SYNJ2: variants seen among roughly 807,000 people sequenced by gnomAD.
The protein encoded by SYNJ2 is polyphosphatidylinositol phosphatase SYNJ2.
Under a neutral mutation model 141.3 loss-of-function variants are expected in SYNJ2, and 116 were observed. The ratio of observed to expected loss-of-function variants is 0.82; its 90% CI spans 0.71 to 0.96. SYNJ2 has a LOEUF of 0.96. Ranked by LOEUF, SYNJ2 falls within the 40% of genes least tolerant of loss-of-function variation. The probability of loss-of-function intolerance (pLI) is 0.00; values close to 1 mark genes in which losing one functional copy is unlikely to be tolerated. For missense variants in SYNJ2, 1,873 were observed against 1,934.8 expected (o/e 0.97, Z 0.60); for synonymous variants, 745 against 777.7 (o/e 0.96, Z 0.70).
rs1174853169 is a variant in SYNJ2, at chr6:158,093,763, T to C, written c.3744+659T>C. 1.0e-5 allele frequency: 7 copies of C among 671,116 alleles called. No individual in the cohort carries two copies. In the Admixed American group the frequency reaches 1.5e-4, roughly 14 times the overall value. 41.6% of individuals were successfully genotyped at this position (671,116 alleles called of 1,614,324 possible). A position where few individuals can be genotyped will look rare whatever the true frequency, so the allele number is the denominator to read the frequency against. ...GCCCATTTGCGTGTGGTCTGTGTTG[T>C]GTGCACATGGTTTCAAGGCATTAGG... On this transcript the variant is annotated intron_variant, in intron 26 of 26. Transcript: ENST00000355585.
chr6:158,062,189 G>T, intron 8 of SYNJ2, 25 bp downstream of exon 8: 1 of 1,601,202 alleles, frequency 6.2e-7, no homozygotes. Flanking sequence ...GCACTGTGCC[G>T]CGTCTTCTGC....
Position 158,043,240 on chromosome 6 carries a change from C to T in SYNJ2, c.712-76C>T, listed in dbSNP as rs546550550. The T allele has an allele frequency of 3.4e-5, 46 of 1,335,218 alleles. No individual in the cohort carries two copies. Among genetic ancestry groups the T allele is most frequent in the Non-Finnish European group, 4.0e-5 (38 of 938,582 alleles). 82.7% of individuals were successfully genotyped at this position (1,335,218 alleles called of 1,614,324 possible). On this transcript the variant is annotated intron_variant, in intron 4 of 26. Coordinates refer to ENST00000355585, the MANE Select transcript of SYNJ2 (RefSeq NM_003898.4). This position sits in a 1 kb window ranked among gnomAD's most constrained non-coding sequence, Gnocchi z 4.0. ...TGGCTGGTGTCGGGTCACAGGTGGC[C>T]GGATCCCGTTACCCAGCCCAGGACG... is the stretch of plus-strand genomic sequence containing the variant.
rs769849260 is a variant in SYNJ2, at chr6:158,086,835, T to C, written c.3209-20T>C. The C allele has an allele frequency of 4.3e-6, 7 of 1,610,278 alleles. No individual in the cohort carries two copies. Among genetic ancestry groups the C allele is most frequent in the African/African-American group, 2.7e-5 (2 of 74,918 alleles). On this transcript the variant is annotated intron_variant, in intron 22 of 26. Transcript: ENST00000355585. Reference sequence around the variant, plus strand: ...CGTGTGGAACAGACCATTGTACTCATGCCCCGCCATGTCCTCCAGATGACG... The same window carrying C: ...CGTGTGGAACAGACCATTGTACTCACGCCCCGCCATGTCCTCCAGATGACG...
intron 1 of SYNJ2, among the ~76,000 whole-genome samples, chr6:158,016,257 G>T (rs112735812): frequency 6.6e-6 from 1 of 152,164 alleles, no homozygotes; most frequent in Non-Finnish European, 1.5e-5. Flanking sequence ...GGGATTACAG[G>T]CGTGTGCCAC....
rs1778723220 is a variant in SYNJ2, at chr6:158,020,710, G to A, written c.214+3420G>A. On this transcript the variant is annotated intron_variant, in intron 2 of 26. Transcript: ENST00000355585. ...TCCATGTATGTGACCCTAGCTGTGT[G>A]ACTCCAACTTTCAGTTGCCACGAAG... Among the ~76,000 whole-genome samples, 4 of 151,444 alleles carry A rather than the reference G, an allele frequency of 2.6e-5. No individual in the cohort carries two copies. The South Asian group carries it at 8.4e-4, about 32-fold the overall frequency.
Position 158,098,930 on chromosome 6 carries a change from T to C in SYNJ2, c.*2566T>C, listed in dbSNP as rs1783920829. 6.6e-6 allele frequency: 1 copy of C among 152,246 alleles called. No homozygotes were observed. Among genetic ancestry groups the C allele is most frequent in the South Asian group, 2.1e-4 (1 of 4,832 alleles). The allele number at this position is 152,246 out of a possible 1,614,324, so 9.4% of individuals were successfully genotyped here. A position where few individuals can be genotyped will look rare whatever the true frequency, so the allele number is the denominator to read the frequency against. On this transcript the variant is annotated 3_prime_UTR_variant, in exon 27 of 27. Coordinates refer to ENST00000355585, the MANE Select transcript of SYNJ2 (RefSeq NM_003898.4). Reference sequence around the variant, plus strand: ...TGAATTAGGACATCAGCTTAAGCAATTCCTGTAACGGTTTAACGTTGTTGA... The same window carrying C: ...TGAATTAGGACATCAGCTTAAGCAACTCCTGTAACGGTTTAACGTTGTTGA...
At chr6:158,068,040 A>C in intron 12 of SYNJ2, 4 of 961,108 alleles carry the variant, frequency 4.2e-6, no homozygotes, top group Non-Finnish European at 4.9e-6. Flanking sequence ...CAGGCTCCCC[A>C]GCAGTCCCAC....
intron 4 of SYNJ2, among the ~76,000 whole-genome samples, chr6:158,041,322 C>G (rs370677940): frequency 9.8e-5 from 15 of 152,358 alleles, no homozygotes; most frequent in African/African-American, 3.4e-4. Flanking sequence ...AAAATGACAT[C>G]TGTGAGGTGA....
At position 158,013,717 on chromosome 6, in the gene SYNJ2, A is replaced by T. The variant is rs186293697; in HGVS notation, c.128-3487A>T. ...TGTGTTACCCGATGAGCCTTTTCCC[A>T]GCTGAAAAGGATGCTCTGCCATCTT... On this transcript the variant is annotated intron_variant, in intron 1 of 26. Transcript: ENST00000355585. Among the ~76,000 whole-genome samples, 163 of 152,314 alleles carry T rather than the reference A, an allele frequency of 1.1e-3. 2 individuals are homozygous for T. The highest frequency in any genetic ancestry group is 2.8e-4 in the Non-Finnish European group (19 of 68,024).
intron 1 of SYNJ2, among the ~76,000 whole-genome samples, chr6:157,997,496 G>A (rs372692886): frequency 5.9e-5 from 9 of 152,134 alleles, no homozygotes; most frequent in African/African-American, 1.9e-4. Flanking sequence ...TGACACTGCC[G>A]CAAGACAAGG....
intron 25 of SYNJ2, 54 bp from the exon 26 acceptor site, chr6:158,092,872 A>G (rs530379372): frequency 1.1e-4 from 162 of 1,491,330 alleles, no homozygotes; most frequent in East Asian, 4.0e-4. Flanking sequence ...GGACGAAATC[A>G]TGCAGTGAAT....
At chr6:158,044,383 G>A (rs1015715676) in intron 5 of SYNJ2, among the ~76,000 whole-genome samples, 2 of 152,216 alleles carry the variant, frequency 1.3e-5, no homozygotes, top group African/African-American at 4.8e-5. Context: ...CAGCATTGGT[G>A]AAGTACTGGG....
intron 1 of SYNJ2, among the ~76,000 whole-genome samples, chr6:158,012,080 T>C (rs1271962058): frequency 1.3e-5 from 2 of 152,178 alleles, no homozygotes; most frequent in African/African-American, 4.8e-5. Flanking sequence ...TGGGGTTTCA[T>C]AGGCCACCTC....
chr6:158,068,626 A>G (rs1357799496), intron 12 of SYNJ2, 21 bp from the exon 13 acceptor site: 1 of 1,614,004 alleles, frequency 6.2e-7, no homozygotes, highest in East Asian at 2.2e-5. Flanking sequence ...GACTTCTGTC[A>G]TCTCTTGCCT....
intron 4 of SYNJ2, among the ~76,000 whole-genome samples, chr6:158,034,688 G>A (rs1779548134): frequency 6.6e-6 from 1 of 152,220 alleles, no homozygotes; most frequent in South Asian, 2.1e-4. Context: ...ATATCAACGA[G>A]GCTATTATGT....
At chr6:157,983,159 A>G (rs374502413) in intron 1 of SYNJ2, among the ~76,000 whole-genome samples, 56 of 152,340 alleles carry the variant, frequency 3.7e-4, no homozygotes, top group African/African-American at 1.3e-3. Flanking sequence ...TCACATTTGT[A>G]TGCATCGACT....
chr6:158,093,155 T>G lies in SYNJ2; in HGVS notation c.3744+51T>G, dbSNP rs370520581. The G allele has an allele frequency of 1.0e-5, 16 of 1,561,896 alleles. No homozygotes were observed. In the South Asian group the frequency reaches 1.8e-4, roughly 17 times the overall value. On this transcript the variant is annotated intron_variant, in intron 26 of 26. Transcript: ENST00000355585. ...CTTACTCCTAAGTTGCTCACATGTC[T>G]CGATAGATAAGAATTGTGGCCTGTA...
rs186257104 is a variant in SYNJ2, at chr6:158,097,844, A to T, written c.*1480A>T. On this transcript the variant is annotated 3_prime_UTR_variant, in exon 27 of 27. Transcript: ENST00000355585. ...TGAAAACTAATACCTGGAAAAGGAT[A>T]AAAAAAAAAAGGAATCCGTGACCCA... The T allele has an allele frequency of 4.0e-3, 75 of 18,594 alleles. No homozygotes were observed. Among genetic ancestry groups the T allele is most frequent in the African/African-American group, 0.022 (53 of 2,408 alleles). The allele number at this position is 18,594 out of a possible 1,614,324, so 1.2% of individuals were successfully genotyped here.
At chr6:158,005,576 C>T (rs183994222) in intron 1 of SYNJ2, among the ~76,000 whole-genome samples, 5 of 151,820 alleles carry the variant, frequency 3.3e-5, no homozygotes, top group East Asian at 1.9e-4. Context: ...CTGCACTCCA[C>T]GCCTGCACCA....
Sources: allele counts gnomAD v4.1 joint callset (sites outside exome capture counted in the v4.1 genomes callset), GRCh38; gene constraint gnomAD v4.1.1; non-coding constraint Gnocchi (gnomAD v3.1); transcripts MANE v1.5; gene names NCBI Gene and HGNC (gene_info 2026-07-23, HGNC 2026-07-21).